The following TTI1 variants were observed in gnomAD, a reference collection of about 807,000 sequenced individuals.
TTI1 encodes TELO2 interacting protein 1.
A neutral mutation model predicts 85.4 loss-of-function variants in TTI1; 52 were observed. That is an observed-to-expected ratio of 0.61 (90% confidence interval 0.49 to 0.77). TTI1 has a LOEUF of 0.77. Ranked by LOEUF, TTI1 falls within the 30% of genes least tolerant of loss-of-function variation. The pLI, the probability that TTI1 is intolerant of heterozygous loss-of-function variation, is 0.00. For synonymous variants in TTI1, 512 were observed against 503.9 expected, an observed-to-expected ratio of 1.02 and a Z score of -0.22; for missense variants, 1,173 against 1,296.0, an observed-to-expected ratio of 0.91 and a Z score of 1.46.
At chr20:38,011,447 G>A in intron 2 of TTI1, 68 bp downstream of exon 2, 9 of 1,540,400 alleles carry the variant, frequency 5.8e-6, no homozygotes, top group Non-Finnish European at 7.9e-6. Context: ...CAAAAAACGA[G>A]GCTAAGCAAA....
rs2073617084 is a variant in TTI1, at chr20:38,012,667, A to C, written c.1150T>G (p.Ser384Ala). ...TGGGAGTTCATTAGGCGAGGAAGAG[A>C]TGTGGCAAGGGAATGCAGGCTTTCT... is the stretch of plus-strand genomic sequence containing the variant. ...LSESLHSLAT[S>A]LPRLMNSQDD... is the part of the protein sequence containing the mutation. Residue 384 changes from serine (S) to alanine (A), a missense_variant, in exon 2 of 8, where the codon TCT (serine) becomes GCT (alanine). By Grantham distance (99) the Ser-to-Ala change is moderately conservative. Coordinates refer to ENST00000373447, the MANE Select transcript of TTI1 (RefSeq NM_001303457.2). The C allele has an allele frequency of 6.2e-7, 1 of 1,614,192 alleles. No homozygotes were observed.
chr20:37,994,742 G>A (rs541090345), intron 7 of TTI1, among the ~76,000 whole-genome samples: 1 of 152,234 alleles, frequency 6.6e-6, no homozygotes, highest in Non-Finnish European at 1.5e-5. Context: ...GAATGTGCTG[G>A]AGCAAACAAA....
At position 38,012,353 on chromosome 20, in the gene TTI1, C is replaced by A. The variant is rs1568622835; in HGVS notation, c.1464G>T (p.Leu488Phe). Residue 488 changes from leucine (L) to phenylalanine (F), a missense_variant, in exon 2 of 8, where the codon TTG (leucine) becomes TTT (phenylalanine). Leu to Phe is a conservative substitution (Grantham distance 22). Transcript: ENST00000373447. ...AACCAAGTAGCTGACAAACCTGCCT[C>A]AAGAGCATGAAGATTCTCTCATCAG... ...FFTDERIFML[L>F]RQVCQLLGYY... 1 of 1,614,146 alleles carries A rather than the reference C, an allele frequency of 6.2e-7. No individual in the cohort carries two copies. The highest frequency in any genetic ancestry group is 2.2e-5 in the East Asian group (1 of 44,878).
In TTI1 at chr20:38,002,767, G is replaced by C. The variant is rs760000075; in HGVS notation, c.2513C>G (p.Ser838Ter). 1.2e-6 allele frequency: 2 copies of C among 1,613,856 alleles called. No homozygotes were observed. The highest frequency in any genetic ancestry group is 1.7e-6 in the Non-Finnish European group (2 of 1,179,912). Residue 838 changes from serine (S) to a stop codon, truncating the protein, a stop_gained, in exon 4 of 8, where the codon TCA becomes TGA. Transcript: ENST00000373447. LOFTEE classifies it high-confidence loss of function. Reference protein sequence around the residue: ...SDFDNEEEEQSVPPKVDENDT... With the variant: ...SDFDNEEEEQ ...ATTCTCATCCACTTTGGGAGGGACT[G>C]ACTGTTCCTCTGGAAAAAGAGCACA...
intron 7 of TTI1, among the ~76,000 whole-genome samples, chr20:37,995,356 C>T (rs1192706447): frequency 1.3e-5 from 2 of 152,270 alleles, no homozygotes; most frequent in South Asian, 2.1e-4. Flanking sequence ...AGCAAGCTGG[C>T]TCTCCTCACT....
Position 37,996,832 on chromosome 20 carries a change from G to C in TTI1, c.2915C>G (p.Pro972Arg), listed in dbSNP as rs750242916. ...GAAGGCCAGCGTGTGCGAGTAAACT[G>C]GTCCAGCCCTGGCACTGATGGGGGC... is the stretch of plus-strand genomic sequence containing the variant. Reference protein sequence around the residue: ...TQAPISARAGPVYSHTLAFKL... With the variant: ...TQAPISARAGRVYSHTLAFKL... The change falls in exon 6 of 8, where the codon CCA (proline) becomes CGA (arginine). Residue 972 changes from proline (P) to arginine (R), a missense_variant. Pro to Arg is a moderately radical substitution (Grantham distance 103). Coordinates refer to ENST00000373447, the MANE Select transcript of TTI1 (RefSeq NM_001303457.2). The C allele has an allele frequency of 1.2e-6, 2 of 1,614,136 alleles. No individual in the cohort carries two copies. Among genetic ancestry groups the C allele is most frequent in the Admixed American group, 3.3e-5 (2 of 60,022 alleles).
chr20:38,002,560 C>T, intron 4 of TTI1, 68 bp downstream of exon 4: 2 of 1,587,588 alleles, frequency 1.3e-6, no homozygotes, highest in Non-Finnish European at 8.6e-7. Flanking sequence ...ATCCGTGTAG[C>T]CACTGCCAAC....
chr20:38,020,323 A>AAAAAATATATATATATATATATATATAT, intron 1 of TTI1, among the ~76,000 whole-genome samples: 3 of 50,384 alleles, frequency 6.0e-5, no homozygotes, highest in South Asian at 1.8e-3. Flanking sequence ...AAAAAAAAAA[A>AAAAAATATATATATATATATATATATAT]ATATATATAT....
chr20:38,010,408 T>C (rs1055295117), intron 2 of TTI1, among the ~76,000 whole-genome samples: 10 of 152,146 alleles, frequency 6.6e-5, no homozygotes, highest in East Asian at 1.9e-4. Flanking sequence ...CATTGAAAGA[T>C]TGACTATCCA....
Position 38,032,305 on chromosome 20 carries a change from C to T in TTI1, c.-42+1099G>A, listed in dbSNP as rs143972330. Among the ~76,000 whole-genome samples the T allele has an allele frequency of 6.9e-3, 1,055 of 152,280 alleles. 5 individuals are homozygous for T. The highest frequency in any genetic ancestry group is 0.02 in the African/African-American group (838 of 41,558). ...ACTGCGTTAGCTATGATTATGATTC[C>T]AGTCTGGAGGAAGGGTAAAAGCATG... On this transcript the variant is annotated intron_variant, in intron 1 of 7. Transcript: ENST00000373447.
chr20:38,010,090 GCA>G (rs149745184), intron 2 of TTI1, among the ~76,000 whole-genome samples: 3,619 of 152,214 alleles, frequency 0.024, 72 homozygotes, highest in Middle Eastern at 0.051. Context: ...TCATTACTTA[GCA>G]CAGTGTCTGA....
rs1029277062 is a variant in TTI1 at position 38,013,126 on chromosome 20, T to G, written c.691A>C (p.Ile231Leu). 2 of 1,614,174 alleles carry G rather than the reference T, an allele frequency of 1.2e-6. No individual in the cohort carries two copies. Among genetic ancestry groups the G allele is most frequent in the Middle Eastern group, 1.6e-4 (1 of 6,062 alleles). Residue 231 changes from isoleucine (I) to leucine (L), a missense_variant, in exon 2 of 8, where the codon ATT becomes CTT. Ile to Leu is a conservative substitution (Grantham distance 5, BLOSUM62 2). Transcript: ENST00000373447. ...ITGDFKQGHS[I>L]VVSSLKIFYK... is the part of the protein sequence containing the mutation. ...AAGATCTTTAGGGAAGATACGACAA[T>G]GCTGTGACCTTGTTTAAAGTCTCCT... is the stretch of plus-strand genomic sequence containing the variant.
At chr20:38,016,415 T>C (rs139370974) in intron 1 of TTI1, among the ~76,000 whole-genome samples, 3 of 152,342 alleles carry the variant, frequency 2.0e-5, no homozygotes, top group East Asian at 1.9e-4. Context: ...TTCAAGAAGA[T>C]AACTTGGGGT....
chr20:37,999,984 C>T (rs958671931), intron 4 of TTI1, among the ~76,000 whole-genome samples: 2 of 152,136 alleles, frequency 1.3e-5, no homozygotes, highest in Non-Finnish European at 1.5e-5. Flanking sequence ...GGAGAAGAGA[C>T]TTGAAGGGTG....
At chr20:38,028,168 T>C (rs2073859800) in intron 1 of TTI1, among the ~76,000 whole-genome samples, 1 of 152,156 alleles carries the variant, frequency 6.6e-6, no homozygotes, top group Non-Finnish European at 1.5e-5. Flanking sequence ...CCCATGAATA[T>C]AGAGGGTCAA....
Position 38,006,297 on chromosome 20 carries a change from C to G in TTI1, c.2403G>C (p.Lys801Asn), listed in dbSNP as rs144074774. ...CGATGTCTTCAGCTGTGGTGGTGCT[C>G]TTCTCAAGAGCTGCTGGTCTTTGGT... ...HLNQRPAALEKSTTTAEDIEQ... is the reference protein window; with the variant it reads ...HLNQRPAALENSTTTAEDIEQ... The change falls in exon 3 of 8, where the codon AAG becomes AAC. Residue 801 changes from lysine to asparagine, a missense_variant. Lys to Asn is a moderately conservative substitution (Grantham distance 94). Coordinates refer to ENST00000373447, the MANE Select transcript of TTI1 (RefSeq NM_001303457.2). 25 of 1,614,090 alleles carry G rather than the reference C, an allele frequency of 1.5e-5. No individual in the cohort carries two copies. Among genetic ancestry groups the G allele is most frequent in the Non-Finnish European group, 2.1e-5 (25 of 1,180,050 alleles).
At chr20:38,009,500 ATTT>A (rs1203587348) in intron 2 of TTI1, among the ~76,000 whole-genome samples, 1 of 151,228 alleles carries the variant, frequency 6.6e-6, no homozygotes, top group Non-Finnish European at 1.5e-5. Context: ...TCCCACCTGA[ATTT>A]TTATTTATTT....
At chr20:37,996,563 G>T in intron 6 of TTI1, 101 bp from the exon 7 acceptor site, 2 of 1,449,734 alleles carry the variant, frequency 1.4e-6, no homozygotes, top group Non-Finnish European at 1.9e-6. Flanking sequence ...TAGGCAAGAT[G>T]CTCTGGGCTC....
intron 1 of TTI1, among the ~76,000 whole-genome samples, chr20:38,022,138 T>C (rs2073779120): frequency 6.6e-6 from 1 of 152,148 alleles, no homozygotes; most frequent in African/African-American, 2.4e-5. Flanking sequence ...GAGACAGAGA[T>C]GCCATTGTGG....
Sources: allele counts gnomAD v4.1 joint callset (sites outside exome capture counted in the v4.1 genomes callset), GRCh38; gene constraint gnomAD v4.1.1; transcripts MANE v1.5; gene names NCBI Gene and HGNC (gene_info 2026-07-23, HGNC 2026-07-21).